KIF16B: variants seen among roughly 807,000 people sequenced by gnomAD.
KIF16B encodes the protein kinesin-like protein KIF16B.
KIF16B carries 98 observed loss-of-function variants against 156.3 expected under a neutral mutation model. The ratio of observed to expected loss-of-function variants is 0.63; its 90% confidence interval spans 0.53 to 0.74. The LOEUF (loss-of-function observed/expected upper bound fraction) is 0.74, where lower values mean the gene tolerates loss of function less well. KIF16B is among the 30% of genes least tolerant of loss of function. The pLI is 0.00. For missense variants in KIF16B, 1,421 were observed against 1,606.5 expected (o/e 0.88, Z 1.97); for synonymous variants, 564 against 583.7 (o/e 0.97, Z 0.49).
chr20:16,425,809 C>G (rs1421291631), intron 15 of KIF16B, among the ~76,000 whole-genome samples: 1 of 152,144 alleles, frequency 6.6e-6, no homozygotes, highest in African/African-American at 2.4e-5. Context: ...ATAGTCAACT[C>G]TCACACTTCT....
chr20:16,557,873 T>C (rs962090071), intron 1 of KIF16B, among the ~76,000 whole-genome samples: 2 of 152,164 alleles, frequency 1.3e-5, no homozygotes, highest in African/African-American at 4.8e-5. Flanking sequence ...CCTGAACACT[T>C]GGTACACGCC....
Position 16,550,528 on chromosome 20 carries a change from C to CTTTT in KIF16B, c.48-22092_48-22089dup, listed in dbSNP as rs745923425. ...AGCTTGTTAAAACACATGAAACATT[C>CTTTT]TTTTTTTTTTTTTTTTTTTTTTTGA... On this transcript the variant is annotated intron_variant, in intron 1 of 25. Coordinates refer to ENST00000354981, the MANE Select transcript of KIF16B (RefSeq NM_024704.5). Among the ~76,000 whole-genome samples the CTTTT allele has an allele frequency of 2.9e-3, 302 of 103,306 alleles. 1 individual carries two copies. Among genetic ancestry groups the CTTTT allele is most frequent in the Non-Finnish European group, 4.2e-3 (220 of 52,206 alleles). 67.8% of individuals were successfully genotyped at this position (103,306 alleles called of 152,430 possible). A position where few individuals can be genotyped will look rare whatever the true frequency, so the allele number is the denominator to read the frequency against.
chr20:16,432,369 T>G (rs1367133840), intron 12 of KIF16B, among the ~76,000 whole-genome samples: 1 of 152,038 alleles, frequency 6.6e-6, no homozygotes, highest in Non-Finnish European at 1.5e-5. Flanking sequence ...AGAATCTCCT[T>G]CCCTCCCTGA....
At chr20:16,476,439 A>T (rs1359240271) in intron 12 of KIF16B, among the ~76,000 whole-genome samples, 1 of 152,246 alleles carries the variant, frequency 6.6e-6, no homozygotes, top group Non-Finnish European at 1.5e-5. Context: ...ACTTACTAAC[A>T]GCAGACTGGA....
Position 16,428,944 on chromosome 20 carries a change from T to C in KIF16B, c.1474+9A>G, listed in dbSNP as rs759222362. On this transcript the variant is annotated intron_variant, in intron 14 of 25. Coordinates refer to ENST00000354981, the MANE Select transcript of KIF16B (RefSeq NM_024704.5). The stretch of plus-strand genomic sequence containing the variant: ...TCATTGGGAACAGATCACTGATAAA[T>C]ATGCTCACCAATATCTTGCTCCGTG... 1 of 1,611,590 alleles carries C rather than the reference T, an allele frequency of 6.2e-7. No individual in the cohort carries two copies. Among genetic ancestry groups the C allele is most frequent in the Non-Finnish European group, 8.5e-7 (1 of 1,177,958 alleles).
rs139910944 is a variant in KIF16B, at chr20:16,484,069, G to A, written c.1302+10222C>T. Among the ~76,000 whole-genome samples the A allele has an allele frequency of 4.6e-4, 70 of 152,154 alleles. 1 individual carries two copies. The highest frequency in any genetic ancestry group is 1.5e-3 in the Admixed American group (23 of 15,276). On this transcript the variant is annotated intron_variant, in intron 12 of 25. Coordinates refer to ENST00000354981, the MANE Select transcript of KIF16B (RefSeq NM_024704.5). Reference sequence around the variant, plus strand: ...AAATACGCAGTCAGAGCCCATCAGCGCACATGCCTCGCCGCAAAAGATCAG... The same window carrying A: ...AAATACGCAGTCAGAGCCCATCAGCACACATGCCTCGCCGCAAAAGATCAG...
At chr20:16,560,775 A>G (rs1438751788) in intron 1 of KIF16B, among the ~76,000 whole-genome samples, 1 of 152,070 alleles carries the variant, frequency 6.6e-6, no homozygotes, top group Non-Finnish European at 1.5e-5. Flanking sequence ...ACAAAGTGAG[A>G]TATTATCTCA....
intron 1 of KIF16B, among the ~76,000 whole-genome samples, chr20:16,552,735 C>A (rs62196290): frequency 0.032 from 4,879 of 152,278 alleles, 102 homozygotes; most frequent in Non-Finnish European, 0.046. Flanking sequence ...TTTTCACACT[C>A]ACATTTCTGA....
At chr20:16,374,498 G>A in intron 19 of KIF16B, 89 bp from the exon 20 acceptor site, 1 of 1,231,920 alleles carries the variant, frequency 8.1e-7, no homozygotes, top group Non-Finnish European at 1.1e-6. Flanking sequence ...ATAGCATGGG[G>A]GAACAAGATC....
rs1263998247 is a variant in KIF16B at position 16,512,820 on chromosome 20, C to G, written c.446+6G>C. ...CACACACAGTTACCCAGGCCACAGG[C>G]CCTACCTGACTTCAGTTCGAAAAGA... On this transcript the variant is annotated splice_donor_region_variant and intron_variant, in intron 5 of 25. Coordinates refer to ENST00000354981, the MANE Select transcript of KIF16B (RefSeq NM_024704.5). 1.2e-6 allele frequency: 2 copies of G among 1,606,338 alleles called. No homozygotes were observed. Among genetic ancestry groups the G allele is most frequent in the Admixed American group, 3.3e-5 (2 of 59,990 alleles).
intron 12 of KIF16B, among the ~76,000 whole-genome samples, chr20:16,452,402 G>GAAAAAAAA (rs200898603): frequency 1.6e-5 from 2 of 125,704 alleles, no homozygotes; most frequent in African/African-American, 5.8e-5. Context: ...ACCCCTATAA[G>GAAAAAAAA]AAAAAAAAAA....
At chr20:16,375,119 T>C (rs2064915440) in intron 19 of KIF16B, among the ~76,000 whole-genome samples, 1 of 152,162 alleles carries the variant, frequency 6.6e-6, no homozygotes, top group Non-Finnish European at 1.5e-5. Context: ...AGGTCAAATG[T>C]GTGTAAGGTC....
intron 6 of KIF16B, among the ~76,000 whole-genome samples, chr20:16,510,382 T>C (rs1278969869): frequency 6.6e-6 from 1 of 152,196 alleles, no homozygotes; most frequent in African/African-American, 2.4e-5. Context: ...CCGGGCGTGG[T>C]GGCTCACACC....
Position 16,454,799 on chromosome 20 carries a change from C to T in KIF16B, c.1303-24817G>A, listed in dbSNP as rs1000939778. Among the ~76,000 whole-genome samples, 3 of 152,070 alleles carry T rather than the reference C, an allele frequency of 2.0e-5. No individual in the cohort carries two copies. In the East Asian group the frequency reaches 5.8e-4, roughly 29 times the overall value. On this transcript the variant is annotated intron_variant, in intron 12 of 25. Transcript: ENST00000354981. ...ATAAAATTATGAAATCGAATAAATA[C>T]AAACACTGTATTTATGAAATAAATA...
chr20:16,561,042 C>T (rs956138373), intron 1 of KIF16B, among the ~76,000 whole-genome samples: 5 of 151,930 alleles, frequency 3.3e-5, no homozygotes, highest in South Asian at 2.1e-4. Context: ...GTAATCCCTG[C>T]GCTTTGGGAG....
At chr20:16,549,254 T>C (rs1329090483) in intron 1 of KIF16B, among the ~76,000 whole-genome samples, 1 of 146,122 alleles carries the variant, frequency 6.8e-6, no homozygotes, top group Non-Finnish European at 1.5e-5. Context: ...TGTGATCTCA[T>C]TGTTCAATTC....
At chr20:16,457,766 C>A (rs1028979433) in intron 12 of KIF16B, among the ~76,000 whole-genome samples, 1 of 152,004 alleles carries the variant, frequency 6.6e-6, no homozygotes, top group South Asian at 2.1e-4. Context: ...AAGGAGCTCC[C>A]CCTTGACATC....
intron 1 of KIF16B, among the ~76,000 whole-genome samples, chr20:16,547,840 G>A (rs1014795928): frequency 1.3e-5 from 2 of 152,184 alleles, no homozygotes; most frequent in South Asian, 4.1e-4. Flanking sequence ...TGCATGTCCG[G>A]TAAACCAAAT....
chr20:16,296,527 A>G (rs944374860), intron 25 of KIF16B, among the ~76,000 whole-genome samples: 1 of 152,176 alleles, frequency 6.6e-6, no homozygotes, highest in Non-Finnish European at 1.5e-5. Flanking sequence ...TTCTGATGCT[A>G]TTTCCATAGA....
Sources: allele counts gnomAD v4.1 joint callset (sites outside exome capture counted in the v4.1 genomes callset), GRCh38; gene constraint gnomAD v4.1.1; transcripts MANE v1.5; gene names NCBI Gene and HGNC (gene_info 2026-07-23, HGNC 2026-07-21).